MIA2: variants seen among roughly 807,000 people sequenced by gnomAD.
The protein encoded by MIA2 is MIA SH3 domain ER export factor 2, also known as melanoma inhibitory activity protein 2.
Under a neutral mutation model 167.8 loss-of-function variants are expected in MIA2, and 127 were observed. That is an observed-to-expected ratio of 0.76 (90% CI 0.66 to 0.88). MIA2 has a LOEUF of 0.88. Among genes scored for constraint, MIA2 ranks in the 40% least tolerant of loss-of-function variants. MIA2 has a pLI of 0.00. For missense variants in MIA2, 1,690 were observed against 1,624.7 expected (o/e 1.04, Z -0.69); for synonymous variants, 552 against 541.9 (o/e 1.02, Z -0.26).
intron 23 of MIA2, among the ~76,000 whole-genome samples, chr14:39,369,193 G>T (rs2074885343): frequency 1.3e-5 from 2 of 152,186 alleles, no homozygotes; most frequent in Admixed American, 6.5e-5. Flanking sequence ...ATCTGTGACT[G>T]ACAGGGTTTG....
At chr14:39,292,944 G>GCT (rs1387385459) in intron 10 of MIA2, among the ~76,000 whole-genome samples, 2 of 151,876 alleles carry the variant, frequency 1.3e-5, no homozygotes, top group Admixed American at 1.3e-4. Flanking sequence ...TGCCTAATGG[G>GCT]CTCTCCACTT....
chr14:39,382,953 G>GTTTT (rs10689511), intron 23 of MIA2, among the ~76,000 whole-genome samples: 108 of 74,994 alleles, frequency 1.4e-3, no homozygotes, highest in Non-Finnish European at 1.8e-3. Context: ...TATGGCCACA[G>GTTTT]TTTTTTTTTT....
intron 1 of MIA2, 79 bp downstream of exon 1, chr14:39,234,308 G>A: frequency 1.2e-6 from 1 of 834,474 alleles, no homozygotes; most frequent in Non-Finnish European, 1.9e-6. Flanking sequence ...GGTCACGCAT[G>A]ATAAAAATGA....
At chr14:39,318,103 A>G (rs896973504) in intron 22 of MIA2, 92 bp downstream of exon 22, 79 of 864,774 alleles carry the variant, frequency 9.1e-5, no homozygotes, top group Non-Finnish European at 1.3e-4. Context: ...GAAAACTTGC[A>G]GTGAATCCAG....
At chr14:39,257,345 T>G (rs1026973432) in intron 6 of MIA2, among the ~76,000 whole-genome samples, 1 of 152,138 alleles carries the variant, frequency 6.6e-6, no homozygotes. Flanking sequence ...TGTAATGCCC[T>G]TTTCTTTTTT....
chr14:39,363,363 C>G (rs1450996219), intron 23 of MIA2, among the ~76,000 whole-genome samples: 2 of 152,120 alleles, frequency 1.3e-5, no homozygotes, highest in Admixed American at 6.5e-5. Flanking sequence ...AATCCTGTCT[C>G]TACAAAAAAT....
chr14:39,349,212 C>T (rs926024736), intron 28 of MIA2, among the ~76,000 whole-genome samples: 3 of 152,112 alleles, frequency 2.0e-5, no homozygotes, highest in African/African-American at 7.2e-5. Context: ...TGTATTTTGG[C>T]AGTCAAGAAA....
chr14:39,308,989 G>T (rs2063780072), intron 18 of MIA2, among the ~76,000 whole-genome samples: 1 of 152,158 alleles, frequency 6.6e-6, no homozygotes, highest in Admixed American at 6.5e-5. Flanking sequence ...TTAGTAAATG[G>T]CAGTGTCCTT....
At chr14:39,370,232 CG>C (rs1453587178) in intron 23 of MIA2, 1 of 153,886 alleles carries the variant, frequency 6.5e-6, no homozygotes, top group Non-Finnish European at 1.4e-5. Flanking sequence ...AAAGCAAAAT[CG>C]GTAAGGCTTT....
rs145077504 is a variant in MIA2 at position 39,358,345 on chromosome 14, C to T, written c.2248+9368C>T. On this transcript the variant is annotated intron_variant, in intron 23 of 23. Coordinates refer to the MIA2 transcript ENST00000341502. ...TACCCTTTCTTCCAGTTGATCAAATCGGCTACTGAAGCTTGTGCATTCGTC... is the reference window on the plus strand; with the variant it reads ...TACCCTTTCTTCCAGTTGATCAAATTGGCTACTGAAGCTTGTGCATTCGTC... 9.1e-4 allele frequency among the ~76,000 whole-genome samples: 139 copies of T among 152,278 alleles called. 3 individuals are homozygous for T. The East Asian group carries it at 0.024, about 26-fold the overall frequency.
chr14:39,325,389 A>G (rs1458335893), intron 24 of MIA2, among the ~76,000 whole-genome samples: 1 of 131,744 alleles, frequency 7.6e-6, no homozygotes, highest in Non-Finnish European at 1.6e-5. Context: ...TTTTTTTGAG[A>G]TGGAGTCTCG....
downstream of MIA2, chr14:39,351,283 T>C (rs188656932): frequency 6.6e-6 from 1 of 151,784 alleles, no homozygotes; most frequent in African/African-American, 2.4e-5. Flanking sequence ...CAGTGATATA[T>C]ATTGGAACAC....
At chr14:39,368,754 T>G (rs1302854318) in intron 23 of MIA2, among the ~76,000 whole-genome samples, 1 of 151,854 alleles carries the variant, frequency 6.6e-6, no homozygotes, top group African/African-American at 2.4e-5. Context: ...TCTGAAAATT[T>G]TTTTCAATTA....
At chr14:39,333,482 T>C (rs1413993317) in intron 25 of MIA2, among the ~76,000 whole-genome samples, 1 of 151,120 alleles carries the variant, frequency 6.6e-6, no homozygotes, top group Non-Finnish European at 1.5e-5. Flanking sequence ...GCTCTACCTT[T>C]GCGGCTTTCT....
Position 39,248,158 on chromosome 14 carries a change from T to G in MIA2, c.1567+17T>G, listed in dbSNP as rs1337653373. On this transcript the variant is annotated intron_variant, in intron 4 of 28. Transcript: ENST00000640607. ...GTCTGTCAGGTTGGTATGAAAATAT[T>G]TACATTAGAATTTATTTTATTTTTA... 1.5e-6 allele frequency: 2 copies of G among 1,325,246 alleles called. No individual in the cohort carries two copies. The highest frequency in any genetic ancestry group is 2.0e-6 in the Non-Finnish European group (2 of 996,606). 82.1% of individuals were successfully genotyped at this position (1,325,246 alleles called of 1,614,324 possible). A position where few individuals can be genotyped will look rare whatever the true frequency, so the allele number is the denominator to read the frequency against.
intron 25 of MIA2, among the ~76,000 whole-genome samples, chr14:39,329,882 T>C (rs1411654863): frequency 1.3e-5 from 2 of 152,222 alleles, no homozygotes; most frequent in African/African-American, 4.8e-5. Context: ...AGTATTTTAT[T>C]GAGGATTTTT....
At chr14:39,332,386 A>T (rs1450577748) in intron 25 of MIA2, among the ~76,000 whole-genome samples, 1 of 152,142 alleles carries the variant, frequency 6.6e-6, no homozygotes, top group East Asian at 1.9e-4. Flanking sequence ...ATTAGGTTAG[A>T]ATATGCTCCT....
chr14:39,316,480 A>C (rs2065464861), intron 21 of MIA2, among the ~76,000 whole-genome samples: 1 of 152,210 alleles, frequency 6.6e-6, no homozygotes, highest in Non-Finnish European at 1.5e-5. Flanking sequence ...TCATAGGGTT[A>C]TTGTGATGAT....
intron 9 of MIA2, among the ~76,000 whole-genome samples, chr14:39,288,471 A>G (rs1174309047): frequency 0.013 from 684 of 51,538 alleles, 69 homozygotes; most frequent in African/African-American, 0.047. Context: ...ATATATATAT[A>G]TATATTTTTT....
Sources: gnomAD v4.1 joint callset for allele counts (sites outside exome capture counted in the v4.1 genomes callset) on GRCh38, gnomAD v4.1.1 for gene constraint, MANE v1.5 for transcripts, NCBI Gene and HGNC (gene_info 2026-07-23, HGNC 2026-07-21) for gene names.